Variants in PPARD observed in about 807,000 individuals in gnomAD.
PPARD encodes peroxisome proliferator activated receptor delta.
In PPARD, 6 loss-of-function variants were observed where a neutral mutation model predicts 39.5. That is an observed-to-expected ratio of 0.15 (90% confidence interval 0.08 to 0.30). The LOEUF is 0.30. PPARD is among the 10% of genes least tolerant of loss of function. The pLI, the probability that PPARD is intolerant of heterozygous loss-of-function variation, is 1.00. For missense variants in PPARD, 397 were observed against 596.8 expected, an observed-to-expected ratio of 0.67 and a Z score of 3.49; for synonymous variants, 210 against 231.3, an observed-to-expected ratio of 0.91 and a Z score of 0.83.
chr6:35,424,186 G>C lies in PPARD; in HGVS notation c.627+38G>C, dbSNP rs1287124006. 1.2e-6 allele frequency: 2 copies of C among 1,608,078 alleles called. No homozygotes were observed. The highest frequency in any genetic ancestry group is 1.7e-6 in the Non-Finnish European group (2 of 1,178,202). ...GCTGCTTGGCCTGGCAGCATCCTGG[G>C]CTCTGGGTCCCACTGCCGCCTGCCT... On this transcript the variant is annotated intron_variant, in intron 6 of 7. Coordinates refer to ENST00000360694, the MANE Select transcript of PPARD (RefSeq NM_006238.5). The surrounding 1 kb of genome is among the most constrained non-coding windows in gnomAD (Gnocchi z 7.1).
chr6:35,411,328 T>G, intron 3 of PPARD, 111 bp downstream of exon 3: 1 of 1,276,120 alleles, frequency 7.8e-7, no homozygotes, highest in South Asian at 2.8e-5. Flanking sequence ...AGCAGAGTGC[T>G]GAAGGACTGG....
chr6:35,362,474 C>A (rs1291878339), intron 2 of PPARD, among the ~76,000 whole-genome samples: 1 of 151,378 alleles, frequency 6.6e-6, no homozygotes, highest in Admixed American at 6.6e-5. Context: ...CATACAAATC[C>A]AGAAAAGGAT....
Position 35,425,606 on chromosome 6 carries a change from C to G in PPARD, c.1079-226C>G, listed in dbSNP as rs1264188850. ...TCTCTTAACCACAATACTACGTTGC[C>G]TAATCGGGGGGGAGGTGGGGACAAA... On this transcript the variant is annotated intron_variant, in intron 7 of 7. Coordinates refer to ENST00000360694, the MANE Select transcript of PPARD (RefSeq NM_006238.5). The surrounding 1 kb of genome is among the most constrained non-coding windows in gnomAD (Gnocchi z 4.5). Among the ~76,000 whole-genome samples the G allele has an allele frequency of 6.6e-6, 1 of 151,548 alleles. No homozygotes were observed. Among genetic ancestry groups the G allele is most frequent in the African/African-American group, 2.4e-5 (1 of 41,154 alleles).
chr6:35,371,101 C>G (rs1762458667), intron 2 of PPARD, among the ~76,000 whole-genome samples: 1 of 152,208 alleles, frequency 6.6e-6, no homozygotes, highest in African/African-American at 2.4e-5. Context: ...AGAAATCACT[C>G]ACATGTTGGT....
At chr6:35,384,095 C>T (rs1763379756) in intron 2 of PPARD, among the ~76,000 whole-genome samples, 1 of 146,566 alleles carries the variant, frequency 6.8e-6, no homozygotes, top group South Asian at 2.2e-4. Context: ...GTCGGGGCGT[C>T]AGCCTCCCGC....
chr6:35,373,542 C>T (rs1054369215), intron 2 of PPARD, among the ~76,000 whole-genome samples: 3 of 152,310 alleles, frequency 2.0e-5, no homozygotes, highest in Middle Eastern at 6.8e-3. Flanking sequence ...CTAAACTGCA[C>T]AGAGGAGCTT....
intron 2 of PPARD, among the ~76,000 whole-genome samples, chr6:35,406,595 C>A (rs1188785052): frequency 2.0e-5 from 3 of 152,184 alleles, no homozygotes; most frequent in African/African-American, 7.2e-5. Flanking sequence ...CCTTCCTCTT[C>A]ACTGGTGTCC....
chr6:35,372,382 T>C (rs1762530773), intron 2 of PPARD, among the ~76,000 whole-genome samples: 1 of 152,226 alleles, frequency 6.6e-6, no homozygotes, highest in African/African-American at 2.4e-5. Flanking sequence ...TTTCACCATG[T>C]TGGCCAGGTT....
intron 5 of PPARD, among the ~76,000 whole-genome samples, chr6:35,423,495 T>C (rs1251455921): frequency 6.7e-6 from 1 of 149,854 alleles, no homozygotes; most frequent in East Asian, 2.0e-4. Context: ...ATCGTGCCAC[T>C]GCACTCCAGC....
intron 2 of PPARD, among the ~76,000 whole-genome samples, chr6:35,361,268 G>C (rs1761912086): frequency 6.6e-6 from 1 of 152,202 alleles, no homozygotes; most frequent in Non-Finnish European, 1.5e-5. Context: ...GGCACTCACT[G>C]AATGATGATT....
At chr6:35,347,290 A>G (rs980360486) in intron 2 of PPARD, 140 bp downstream of exon 2, 7 of 1,009,950 alleles carry the variant, frequency 6.9e-6, no homozygotes, top group African/African-American at 1.6e-5. Flanking sequence ...ATCTGGTACC[A>G]GTTGCTTATG....
chr6:35,414,986 G>A (rs1004635903), intron 3 of PPARD, among the ~76,000 whole-genome samples: 25 of 152,190 alleles, frequency 1.6e-4, no homozygotes, highest in Admixed American at 1.4e-3. Context: ...AGGGTCCCCT[G>A]GGCGTGTAGG....
chr6:35,386,981 C>T (rs1332939951), intron 2 of PPARD, among the ~76,000 whole-genome samples: 1 of 150,256 alleles, frequency 6.7e-6, no homozygotes, highest in Non-Finnish European at 1.5e-5. Flanking sequence ...TGGGGGAAAC[C>T]TGCTTTCCCC....
At chr6:35,410,923 C>T in intron 2 of PPARD, 64 bp from the exon 3 acceptor site, 1 of 1,254,068 alleles carries the variant, frequency 8.0e-7, no homozygotes, top group East Asian at 3.1e-5. Context: ...GCGTGCCCCA[C>T]TCGCACCATC....
intron 2 of PPARD, chr6:35,348,411 T>A: frequency 1.0e-6 from 1 of 985,420 alleles, no homozygotes; most frequent in Non-Finnish European, 1.2e-6. Flanking sequence ...GGGTTCCCAT[T>A]GCTGTTTCCA....
chr6:35,417,574 G>A (rs1166895208), intron 3 of PPARD, among the ~76,000 whole-genome samples: 3 of 147,940 alleles, frequency 2.0e-5, no homozygotes, highest in Admixed American at 6.7e-5. Flanking sequence ...ACACTCAGCC[G>A]AGTGCAATGG....
chr6:35,361,433 A>G (rs1277641089), intron 2 of PPARD, among the ~76,000 whole-genome samples: 11 of 152,214 alleles, frequency 7.2e-5, no homozygotes, highest in Admixed American at 7.2e-4. Context: ...GGGTCACCTG[A>G]GGTCAGGCAT....
intron 2 of PPARD, among the ~76,000 whole-genome samples, chr6:35,387,952 C>A (rs1763773399): frequency 6.6e-6 from 1 of 151,338 alleles, no homozygotes; most frequent in Non-Finnish European, 1.5e-5. Context: ...AAACTCCTGA[C>A]CTCAAATGAT....
At chr6:35,391,296 AAAAC>A (rs1454754952) in intron 2 of PPARD, among the ~76,000 whole-genome samples, 1 of 152,266 alleles carries the variant, frequency 6.6e-6, no homozygotes, top group Admixed American at 6.5e-5. Context: ...TTAAAAGAAT[AAAAC>A]AATGAATTTC....
Sources: allele counts gnomAD v4.1 joint callset (sites outside exome capture counted in the v4.1 genomes callset), GRCh38; gene constraint gnomAD v4.1.1; non-coding constraint Gnocchi (gnomAD v3.1); transcripts MANE v1.5; gene names NCBI Gene and HGNC (gene_info 2026-07-23, HGNC 2026-07-21).